Variants in AUNIP observed in about 807,000 individuals in gnomAD.
AUNIP encodes the protein aurora kinase A- and ninein-interacting protein.
A neutral mutation model predicts 12.2 loss-of-function variants in AUNIP; 16 were observed. That is an observed-to-expected ratio of 1.31 (90% CI 0.88 to 1.99). AUNIP has a LOEUF of 1.99. AUNIP is among the 30% of genes most tolerant of loss of function. The probability of loss-of-function intolerance (pLI) is 0.00; values close to 1 mark genes in which losing one functional copy is unlikely to be tolerated. For synonymous variants in AUNIP, 142 were observed against 154.8 expected (o/e 0.92, Z 0.61); for missense variants, 411 against 419.1 (o/e 0.98, Z 0.17).
Position 25,834,108 on chromosome 1 carries a change from C to G in AUNIP, c.*885G>C, listed in dbSNP as rs2124491667. 1 of 985,282 alleles carries G rather than the reference C, an allele frequency of 1.0e-6. No homozygotes were observed. Among genetic ancestry groups the G allele is most frequent in the South Asian group, 4.7e-5 (1 of 21,288 alleles). The allele number at this position is 985,282 out of a possible 1,614,324, so 61.0% of individuals were successfully genotyped here. ...GTCACATCCAGATTGTTGTACAGCT[C>G]AGGCTTTTTAAGGGAGATATTTAAA... On this transcript the variant is annotated 3_prime_UTR_variant, in exon 3 of 3. Transcript: ENST00000374298.
At chr1:25,839,655 C>T (rs978106588) in intron 1 of AUNIP, among the ~76,000 whole-genome samples, 1 of 152,096 alleles carries the variant, frequency 6.6e-6, no homozygotes, top group African/African-American at 2.4e-5. Context: ...CCTGCCAAAA[C>T]AATTTTCAAT....
chr1:25,849,093 C>T (rs994260163), intron 1 of AUNIP, among the ~76,000 whole-genome samples: 32 of 152,284 alleles, frequency 2.1e-4, no homozygotes, highest in Admixed American at 2.0e-3. Context: ...CTTCAAGACT[C>T]CTTAACTTTT....
At position 25,835,242 on chromosome 1, in the gene AUNIP, G is replaced by A. The variant is rs139612031; in HGVS notation, c.825C>T (p.Asp275=). 140 of 1,614,038 alleles carry A rather than the reference G, an allele frequency of 8.7e-5. No individual in the cohort carries two copies. Among genetic ancestry groups the A allele is most frequent in the Non-Finnish European group, 1.1e-4 (131 of 1,180,024 alleles). Residue 275 remains aspartate (D), a synonymous_variant, in exon 3 of 3, where the codon GAC becomes GAT. Coordinates refer to ENST00000374298, the MANE Select transcript of AUNIP (RefSeq NM_024037.3). The stretch of plus-strand genomic sequence containing the variant: ...AGGAGTCCTTGTCATTCTTTTCATT[G>A]TCCCAGGAAAACACAGAAACTGGAC... ...SRSPVSVFSW[D]NEKNDKDSWS...
At chr1:25,858,826 T>TA (rs2048483118) in intron 1 of AUNIP, among the ~76,000 whole-genome samples, 1 of 152,174 alleles carries the variant, frequency 6.6e-6, no homozygotes, top group African/African-American at 2.4e-5. Context: ...TCTGGGCAGG[T>TA]AGTTGGCCTG....
chr1:25,836,714 G>C (rs1404319350), intron 2 of AUNIP, among the ~76,000 whole-genome samples: 1 of 152,314 alleles, frequency 6.6e-6, no homozygotes, highest in Non-Finnish European at 1.5e-5. Flanking sequence ...AGTGGAAAAA[G>C]TGGGTTTTTT....
chr1:25,836,643 T>C (rs2048305023), intron 2 of AUNIP, among the ~76,000 whole-genome samples: 1 of 152,246 alleles, frequency 6.6e-6, no homozygotes, highest in Non-Finnish European at 1.5e-5. Context: ...CTAGGTTTTG[T>C]GAGAATTCTC....
chr1:25,850,080 G>A (rs1295852997), intron 1 of AUNIP, among the ~76,000 whole-genome samples: 1 of 151,890 alleles, frequency 6.6e-6, no homozygotes, highest in Non-Finnish European at 1.5e-5. Context: ...CCTATCTCTC[G>A]GGGGTACATA....
At chr1:25,833,345 G>T (rs1284865336), downstream of AUNIP, among the ~76,000 whole-genome samples, 1 of 151,846 alleles carries the variant, frequency 6.6e-6, no homozygotes, top group Non-Finnish European at 1.5e-5. Context: ...TAAACTCCTG[G>T]TCTCAAGCAA....
intron 1 of AUNIP, among the ~76,000 whole-genome samples, chr1:25,854,036 C>T (rs2048441382): frequency 6.6e-6 from 1 of 152,030 alleles, no homozygotes; most frequent in Non-Finnish European, 1.5e-5. Context: ...CATGGTAAAA[C>T]CCCGTCTGTA....
At chr1:25,848,320 A>T (rs780038153) in intron 1 of AUNIP, among the ~76,000 whole-genome samples, 21 of 151,952 alleles carry the variant, frequency 1.4e-4, no homozygotes, top group Admixed American at 2.6e-4. Context: ...TCTCTACAAA[A>T]ATTACAAAAA....
rs1360637839 is a variant in AUNIP at position 25,834,780 on chromosome 1, GCCA to G, written c.*210_*212del. On this transcript the variant is annotated 3_prime_UTR_variant, in exon 3 of 3. Transcript: ENST00000374298. ...ATAGACTCATTCAGGGAATTTACCAGCCACCACCTTCCTGAGGGAAAGCCATGA... is the reference window on the plus strand; with the variant it reads ...ATAGACTCATTCAGGGAATTTACCAGCCACCTTCCTGAGGGAAAGCCATGA... The G allele has an allele frequency of 7.1e-7, 1 of 1,407,670 alleles. No individual in the cohort carries two copies. Among genetic ancestry groups the G allele is most frequent in the African/African-American group, 1.4e-5 (1 of 69,234 alleles). The allele number at this position is 1,407,670 out of a possible 1,614,324, so 87.2% of individuals were successfully genotyped here. A position where few individuals can be genotyped will look rare whatever the true frequency, so the allele number is the denominator to read the frequency against.
intron 1 of AUNIP, among the ~76,000 whole-genome samples, chr1:25,853,312 A>T (rs1453296245): frequency 6.6e-6 from 1 of 152,154 alleles, no homozygotes; most frequent in Non-Finnish European, 1.5e-5. Context: ...AACAATAAAC[A>T]TTCGGCCGGC....
chr1:25,849,461 C>CA (rs2048411106), intron 1 of AUNIP, among the ~76,000 whole-genome samples: 1 of 152,140 alleles, frequency 6.6e-6, no homozygotes, highest in Admixed American at 6.5e-5. Context: ...TTCTTTTCTA[C>CA]AGATTTGCCT....
chr1:25,850,141 G>A (rs139456726), intron 1 of AUNIP, among the ~76,000 whole-genome samples: 24 of 152,102 alleles, frequency 1.6e-4, no homozygotes, highest in Middle Eastern at 3.4e-3. Flanking sequence ...ATAAAGCTAT[G>A]ATCACATCAG....
chr1:25,849,165 C>T (rs1327182103), intron 1 of AUNIP, among the ~76,000 whole-genome samples: 6 of 152,200 alleles, frequency 3.9e-5, no homozygotes, highest in Admixed American at 3.3e-4. Flanking sequence ...CATAATGTCC[C>T]ACTGCACTCC....
At chr1:25,839,297 G>A (rs1224059366) in intron 1 of AUNIP, among the ~76,000 whole-genome samples, 1 of 152,226 alleles carries the variant, frequency 6.6e-6, no homozygotes, top group Non-Finnish European at 1.5e-5. Context: ...GCAGTGCAGA[G>A]AAAGACCTCC....
Position 25,834,942 on chromosome 1 carries a change from T to C in AUNIP, c.*51A>G, listed in dbSNP as rs776191185. ...CCTCTCTCCACCCACAACTATATTTTCCTACATCTCTATCATTTCAAGGTA... is the reference window on the plus strand; with the variant it reads ...CCTCTCTCCACCCACAACTATATTTCCCTACATCTCTATCATTTCAAGGTA... On this transcript the variant is annotated 3_prime_UTR_variant, in exon 3 of 3. Coordinates refer to ENST00000374298, the MANE Select transcript of AUNIP (RefSeq NM_024037.3). The C allele has an allele frequency of 1.3e-5, 20 of 1,555,008 alleles. No homozygotes were observed. In the African/African-American group the frequency reaches 2.5e-4, roughly 19 times the overall value.
chr1:25,844,781 GC>G (rs760162326), intron 1 of AUNIP, among the ~76,000 whole-genome samples: 2 of 151,748 alleles, frequency 1.3e-5, no homozygotes, highest in African/African-American at 2.4e-5. Context: ...GCTTCCCAGG[GC>G]CCCTACTCAT....
chr1:25,853,234 T>G (rs917475416), intron 1 of AUNIP, among the ~76,000 whole-genome samples: 1 of 152,228 alleles, frequency 6.6e-6, no homozygotes, highest in Non-Finnish European at 1.5e-5. Flanking sequence ...CACAAAATCT[T>G]TCTTAATATT....
Sources: allele counts gnomAD v4.1 joint callset (sites outside exome capture counted in the v4.1 genomes callset), GRCh38; gene constraint gnomAD v4.1.1; transcripts MANE v1.5; gene names NCBI Gene and HGNC (gene_info 2026-07-23, HGNC 2026-07-21).